The following AK8 variants were observed in gnomAD, a reference collection of about 807,000 sequenced individuals.
The protein encoded by AK8 is adenylate kinase 8, also known as ATP-AMP transphosphorylase 8.
Under a neutral mutation model 54.6 loss-of-function variants are expected in AK8, and 44 were observed. The observed-to-expected ratio is 0.81, with a 90% CI of 0.63 to 1.04. AK8 has a LOEUF of 1.04. Ranked by LOEUF, AK8 falls within the 50% of genes least tolerant of loss-of-function variation. The probability of loss-of-function intolerance (pLI) is 0.00; values close to 1 mark genes in which losing one functional copy is unlikely to be tolerated. For missense variants in AK8, 555 were observed against 613.6 expected, an observed-to-expected ratio of 0.90 and a Z score of 1.01; for synonymous variants, 239 against 245.6, an observed-to-expected ratio of 0.97 and a Z score of 0.25.
At chr9:132,744,863 C>T (rs1188738855) in intron 11 of AK8, among the ~76,000 whole-genome samples, 2 of 152,242 alleles carry the variant, frequency 1.3e-5, no homozygotes, top group South Asian at 2.1e-4. Context: ...AAAGGGGGGC[C>T]GTAAGACAAG....
intron 8 of AK8, among the ~76,000 whole-genome samples, chr9:132,823,798 C>T (rs141768420): frequency 8.5e-5 from 13 of 152,328 alleles, no homozygotes; most frequent in African/African-American, 2.6e-4. Flanking sequence ...GCTAGGTGCA[C>T]CTGAATGTCA....
chr9:132,796,191 A>G (rs1418298127), intron 10 of AK8, among the ~76,000 whole-genome samples: 3 of 152,050 alleles, frequency 2.0e-5, no homozygotes, highest in Non-Finnish European at 4.4e-5. Context: ...AACACCCCCA[A>G]CTGTTCTGCT....
At chr9:132,845,311 G>A (rs1842705373) in intron 5 of AK8, among the ~76,000 whole-genome samples, 1 of 152,104 alleles carries the variant, frequency 6.6e-6, no homozygotes, top group African/African-American at 2.4e-5. Context: ...AACTAATAAC[G>A]ATGTCAATTA....
chr9:132,878,303 G>A, upstream of AK8: 2 of 1,325,152 alleles, frequency 1.5e-6, no homozygotes, highest in Non-Finnish European at 9.7e-7. The surrounding 1 kb of genome is among the most constrained non-coding windows in gnomAD (Gnocchi z 4.7). Flanking sequence ...CGCTAGGGCC[G>A]CCGCGCCGAC....
upstream of AK8, chr9:132,878,774 C>G: frequency 1.0e-6 from 1 of 985,614 alleles, no homozygotes; most frequent in Non-Finnish European, 1.2e-6. The surrounding 1 kb of genome is among the most constrained non-coding windows in gnomAD (Gnocchi z 4.7). Flanking sequence ...AGAGTCGAGC[C>G]CCGGTAGACC....
rs2131087132 is a variant in AK8, at chr9:132,770,641, G to A, written c.1121+21993C>T. 6.6e-6 allele frequency among the ~76,000 whole-genome samples: 1 copy of A among 152,294 alleles called. No homozygotes were observed. The highest frequency in any genetic ancestry group is 1.9e-4 in the East Asian group (1 of 5,158). On this transcript the variant is annotated intron_variant, in intron 11 of 12. Transcript: ENST00000298545. This position sits in a 1 kb window ranked among gnomAD's most constrained non-coding sequence, Gnocchi z 4.3. ...CATTTCAACAGAGACCTGGGGCAGC[G>A]CGGTGGGCAGCGGGCTGGGCCGAGA...
At chr9:132,761,264 C>CTTTT (rs1271795125) in intron 11 of AK8, among the ~76,000 whole-genome samples, 10 of 100,114 alleles carry the variant, frequency 1.0e-4, no homozygotes, top group African/African-American at 5.2e-4. Context: ...CTTTTCTTTT[C>CTTTT]TTTTCTTTTT....
At chr9:132,834,495 C>G (rs984446312) in intron 5 of AK8, among the ~76,000 whole-genome samples, 1 of 152,220 alleles carries the variant, frequency 6.6e-6, no homozygotes, top group Non-Finnish European at 1.5e-5. Context: ...CCTGTTAGCA[C>G]TGAACGTGGA....
rs536103045 is a variant in AK8, at chr9:132,852,680, G to C, written c.402+2177C>G. Among the ~76,000 whole-genome samples, 555 of 141,038 alleles carry C rather than the reference G, an allele frequency of 3.9e-3. 2 individuals are homozygous for C. The highest frequency in any genetic ancestry group is 0.014 in the African/African-American group (533 of 38,160). 92.5% of individuals were successfully genotyped at this position (141,038 alleles called of 152,430 possible). On this transcript the variant is annotated intron_variant, in intron 5 of 12. Transcript: ENST00000298545. ...AGCTAATGGGGAGGCTGAGGCATGT[G>C]AATTGCTTGAACTTGGGAGGCAGAG...
At position 132,799,366 on chromosome 9, in the gene AK8, T is replaced by C. The variant is rs77818518; in HGVS notation, c.980-6591A>G. Among the ~76,000 whole-genome samples, 3,106 of 152,212 alleles carry C rather than the reference T, an allele frequency of 0.02. 117 individuals carry two copies. Among genetic ancestry groups the C allele is most frequent in the African/African-American group, 0.071 (2,961 of 41,470 alleles). On this transcript the variant is annotated intron_variant, in intron 10 of 12. Transcript: ENST00000298545. The surrounding 1 kb of genome is among the most constrained non-coding windows in gnomAD (Gnocchi z 5.0). ...AGATAAAAAACATGCTAAGGTTGATTGCTAGACTCACGACAAGCCATGTGA... is the reference window on the plus strand; with the variant it reads ...AGATAAAAAACATGCTAAGGTTGATCGCTAGACTCACGACAAGCCATGTGA...
At chr9:132,808,625 G>T (rs932063904) in intron 10 of AK8, among the ~76,000 whole-genome samples, 2 of 152,194 alleles carry the variant, frequency 1.3e-5, no homozygotes, top group Non-Finnish European at 2.9e-5. Context: ...CTGGAGTGGG[G>T]ATAAGAGCAA....
chr9:132,818,061 C>T, intron 9 of AK8, among the ~76,000 whole-genome samples: 1 of 152,326 alleles, frequency 6.6e-6, no homozygotes, highest in Non-Finnish European at 1.5e-5. Flanking sequence ...AATAGAATGA[C>T]ATCTTTAAAG....
intron 9 of AK8, among the ~76,000 whole-genome samples, chr9:132,816,893 AG>A (rs1467178583): frequency 6.6e-6 from 1 of 152,192 alleles, no homozygotes; most frequent in Non-Finnish European, 1.5e-5. Flanking sequence ...CAGAATTTGT[AG>A]AACAGGGTAA....
intron 5 of AK8, among the ~76,000 whole-genome samples, chr9:132,833,142 G>A (rs999784796): frequency 4.6e-5 from 7 of 152,188 alleles, no homozygotes; most frequent in East Asian, 1.9e-4. Context: ...TGTTGAAGGC[G>A]GGTCTGTCCT....
In AK8 at chr9:132,875,212, G is replaced by A. The variant is rs1844040072; in HGVS notation, c.85-13C>T. 2 of 1,613,834 alleles carry A rather than the reference G, an allele frequency of 1.2e-6. No individual in the cohort carries two copies. Among genetic ancestry groups the A allele is most frequent in the Non-Finnish European group, 1.7e-6 (2 of 1,179,922 alleles). On this transcript the variant is annotated splice_polypyrimidine_tract_variant and intron_variant, in intron 1 of 12. Transcript: ENST00000298545. ...GCTCCAGCATGTTCTGTGGGTGCAG[G>A]GCAGACACCCAGGTGGTTAATACCT...
intron 4 of AK8, among the ~76,000 whole-genome samples, chr9:132,863,317 C>T (rs550560585): frequency 3.3e-5 from 5 of 152,346 alleles, no homozygotes; most frequent in Admixed American, 2.6e-4. Context: ...TGGCGCGGGC[C>T]GCCAGGTTCA....
chr9:132,804,572 T>G (rs1402919662), intron 10 of AK8, among the ~76,000 whole-genome samples: 2 of 150,958 alleles, frequency 1.3e-5, no homozygotes, highest in Non-Finnish European at 1.5e-5. Flanking sequence ...GGGAGGGGGG[T>G]GGGAGCAGGT....
chr9:132,854,816 T>G lies in AK8; in HGVS notation c.402+41A>C, dbSNP rs778016750. 6 of 1,608,342 alleles carry G rather than the reference T, an allele frequency of 3.7e-6. No individual in the cohort carries two copies. In the South Asian group the frequency reaches 6.6e-5, roughly 18 times the overall value. On this transcript the variant is annotated intron_variant, in intron 5 of 12. Coordinates refer to ENST00000298545, the MANE Select transcript of AK8 (RefSeq NM_152572.3). ...TGAACACACGCCCTTCACCCTCCCC[T>G]TTATCTTGGCACTGAAACCCCTAGC...
chr9:132,742,169 CTT>C (rs573195791), intron 11 of AK8, among the ~76,000 whole-genome samples: 23 of 126,564 alleles, frequency 1.8e-4, no homozygotes, highest in South Asian at 2.5e-4. Flanking sequence ...TGGACTTGGA[CTT>C]TTTTTTTTTT....
Sources: gnomAD v4.1 joint callset for allele counts (sites outside exome capture counted in the v4.1 genomes callset) on GRCh38, gnomAD v4.1.1 for gene constraint, Gnocchi (gnomAD v3.1) non-coding constraint, MANE v1.5 for transcripts, NCBI Gene and HGNC (gene_info 2026-07-23, HGNC 2026-07-21) for gene names.